HGS: variants seen among roughly 807,000 people sequenced by gnomAD.
HGS encodes human growth factor-regulated tyrosine kinase substrate.
In HGS, 63 loss-of-function variants were observed where a neutral mutation model predicts 109.7. The ratio of observed to expected loss-of-function variants is 0.57; its 90% CI spans 0.47 to 0.71. HGS has a LOEUF of 0.71. Ranked by LOEUF, HGS falls within the 30% of genes least tolerant of loss-of-function variation. The pLI is 0.00. For synonymous variants in HGS, 546 were observed against 437.3 expected, an observed-to-expected ratio of 1.25 and a Z score of -3.10; for missense variants, 995 against 1,068.3, an observed-to-expected ratio of 0.93 and a Z score of 0.96.
intron 1 of HGS, chr17:81,685,149 C>T: frequency 1.3e-6 from 1 of 799,442 alleles, no homozygotes; most frequent in South Asian, 5.7e-5. Context: ...GGCCTGGAGT[C>T]TACACTGCAG....
Position 81,693,737 on chromosome 17 carries a change from G to C in HGS, c.825G>C (p.Glu275Asp), listed in dbSNP as rs895139072. The C allele has an allele frequency of 2.6e-6, 4 of 1,555,036 alleles. No homozygotes were observed. The highest frequency in any genetic ancestry group is 3.5e-6 in the Non-Finnish European group (4 of 1,151,130). ...TGGCGCTGTCACAGTCAGAGGCGGA[G>C]GAGAAGGAGAGGCTGGTAAGCCGGG... ...LALALSQSEA[E>D]EKERLRQKST... Residue 275 changes from glutamate (E) to aspartate (D), a missense_variant, in exon 10 of 22, where the codon GAG becomes GAC. Glu to Asp is a conservative substitution (Grantham distance 45, BLOSUM62 2). This residue lies in a region of HGS where 300 missense variants were observed against 235.4 expected (regional missense o/e 1.27). Coordinates refer to ENST00000329138, the MANE Select transcript of HGS (RefSeq NM_004712.5).
chr17:81,690,557 C>A, intron 6 of HGS, 117 bp from the exon 7 acceptor site: 2 of 1,019,050 alleles, frequency 2.0e-6, no homozygotes, highest in Non-Finnish European at 2.8e-6. Flanking sequence ...GGGCATTGCT[C>A]TCGCTCGTGC....
At chr17:81,694,714 C>T (rs752602695) in intron 11 of HGS, 101 bp from the exon 12 acceptor site, 52 of 1,427,148 alleles carry the variant, frequency 3.6e-5, no homozygotes, top group Middle Eastern at 1.8e-4. Context: ...GCCCAGGCTG[C>T]GGCTCTGGTC....
In HGS at chr17:81,688,821, G is replaced by C. The variant is rs1296486812; in HGVS notation, c.409G>C (p.Val137Leu). ...VVQDTYQIMK[V>L]EGHVFPEFKE... ...CCAGGACACCTACCAGATCATGAAG[G>C]TGGAGGGTGAGTCAGGACTGAGGTT... Residue 137 changes from valine to leucine, a missense_variant, in exon 5 of 22, where the codon GTG becomes CTG. Physicochemically the swap from Val to Leu is conservative, Grantham distance 32. Transcript: ENST00000329138. 4 of 1,614,182 alleles carry C rather than the reference G, an allele frequency of 2.5e-6. No individual in the cohort carries two copies. The highest frequency in any genetic ancestry group is 3.4e-6 in the Non-Finnish European group (4 of 1,180,020).
rs182706220 is a variant in HGS at position 81,696,931 on chromosome 17, C to G, written c.1815C>G (p.His605Gln). ...GCTCGGTGGAGGGCTCCCCAATGCA[C>G]GGCGTGTACATGAGCCAGCCGGCCC... is the stretch of plus-strand genomic sequence containing the variant. ...PAGSVEGSPMHGVYMSQPAPA... is the reference protein window; with the variant it reads ...PAGSVEGSPMQGVYMSQPAPA... The change falls in exon 18 of 22, where the codon CAC (histidine) becomes CAG (glutamine). Residue 605 changes from histidine (H) to glutamine (Q), a missense_variant. His to Gln is a conservative substitution (Grantham distance 24). Transcript: ENST00000329138. 2 of 1,607,180 alleles carry G rather than the reference C, an allele frequency of 1.2e-6. No individual in the cohort carries two copies. The highest frequency in any genetic ancestry group is 2.7e-5 in the African/African-American group (2 of 74,926).
In HGS at chr17:81,696,634, G is replaced by A. The variant is rs1462336828; in HGVS notation, c.1594G>A (p.Ala532Thr). The A allele has an allele frequency of 6.2e-7, 1 of 1,610,508 alleles. No individual in the cohort carries two copies. The highest frequency in any genetic ancestry group is 8.5e-7 in the Non-Finnish European group (1 of 1,178,788). ...GTACCTGGAGGTGCAGAGGCAGCTG[G>A]CCATCCAGCGCCTGCAGGAGCAGGA... ...QEYLEVQRQLAIQRLQEQEKE... is the reference protein window; with the variant it reads ...QEYLEVQRQLTIQRLQEQEKE... The change falls in exon 17 of 22, where the codon GCC becomes ACC. Residue 532 changes from alanine (A) to threonine (T), a missense_variant. Around this residue, in one of 6 missense-constraint regions of HGS, gnomAD observed 163 missense variants for 217.8 expected, o/e 0.75. Transcript: ENST00000329138.
chr17:81,690,614 C>G (rs1041943850), intron 6 of HGS, 60 bp from the exon 7 acceptor site: 1 of 1,532,152 alleles, frequency 6.5e-7, no homozygotes, highest in African/African-American at 1.4e-5. Context: ...AGGGGAGGCT[C>G]TGTGCCTCTG....
At chr17:81,688,568 C>G (rs1206722652) in intron 4 of HGS, 136 bp from the exon 5 acceptor site, 1 of 1,079,654 alleles carries the variant, frequency 9.3e-7, no homozygotes, top group Non-Finnish European at 1.3e-6. Context: ...CCCCACGCCC[C>G]ACTCGGGGGG....
At chr17:81,694,033 C>T (rs554177145) in intron 11 of HGS, 68 bp downstream of exon 11, 5 of 1,387,200 alleles carry the variant, frequency 3.6e-6, no homozygotes, top group Non-Finnish European at 4.9e-6. Context: ...ACGCGGGTCC[C>T]TGAGCTGATT....
At position 81,691,210 on chromosome 17, in the gene HGS, C is replaced by T. The variant is rs545450710; in HGVS notation, c.538-237C>T. 3 of 543,188 alleles carry T rather than the reference C, an allele frequency of 5.5e-6. No individual in the cohort carries two copies. Among genetic ancestry groups the T allele is most frequent in the African/African-American group, 3.8e-5 (2 of 52,776 alleles). 33.6% of individuals were successfully genotyped at this position (543,188 alleles called of 1,614,324 possible). ...CAGCAGAATTGATGTGTATTTTTTC[C>T]TTGCCCTTACTTTTAACTTACCTTA... is the stretch of plus-strand genomic sequence containing the variant. On this transcript the variant is annotated intron_variant, in intron 7 of 21. Coordinates refer to ENST00000329138, the MANE Select transcript of HGS (RefSeq NM_004712.5). The surrounding 1 kb of genome is among the most constrained non-coding windows in gnomAD (Gnocchi z 5.3).
chr17:81,701,312 C>T (rs1034309360), intron 21 of HGS, 181 bp downstream of exon 21: 18 of 792,352 alleles, frequency 2.3e-5, no homozygotes, highest in Non-Finnish European at 3.0e-5. Flanking sequence ...GGCAGATACG[C>T]GCATCCGCAA....
rs569643994 is a variant in HGS, at chr17:81,688,407, C to T, written c.292-297C>T. 2.6e-4 allele frequency among the ~76,000 whole-genome samples: 39 copies of T among 152,264 alleles called. 2 individuals carry two copies. The East Asian group carries it at 3.9e-3, about 15-fold the overall frequency. ...CCGGGTCCTGCCTGTTGGAGGCTGACGGGAACCGGGGATCCTGGGGTGGGC... is the reference window on the plus strand; with the variant it reads ...CCGGGTCCTGCCTGTTGGAGGCTGATGGGAACCGGGGATCCTGGGGTGGGC... On this transcript the variant is annotated intron_variant, in intron 4 of 21. Coordinates refer to ENST00000329138, the MANE Select transcript of HGS (RefSeq NM_004712.5).
intron 4 of HGS, among the ~76,000 whole-genome samples, chr17:81,687,557 G>T (rs759180408): frequency 1.3e-5 from 2 of 152,322 alleles, no homozygotes; most frequent in South Asian, 2.1e-4. Flanking sequence ...TGTGTCTGGC[G>T]GGGATAAGAG....
At chr17:81,684,233 T>C (rs2036932426) in intron 1 of HGS, 130 bp downstream of exon 1, 1 of 867,838 alleles carries the variant, frequency 1.2e-6, no homozygotes, top group South Asian at 3.3e-5. Context: ...CGGCCCGCTG[T>C]CCTCCCGGGT....
In HGS at chr17:81,685,605, A is replaced by G. The variant is rs1332691684; in HGVS notation, c.38A>G (p.Asp13Gly). The G allele has an allele frequency of 6.2e-7, 1 of 1,608,298 alleles. No individual in the cohort carries two copies. Among genetic ancestry groups the G allele is most frequent in the Non-Finnish European group, 8.5e-7 (1 of 1,177,292 alleles). Residue 13 changes from aspartate to glycine, a missense_variant and splice_region_variant, in exon 2 of 22, where the codon GAC (aspartate) becomes GGC (glycine). Around this residue, in one of 6 missense-constraint regions of HGS, gnomAD observed 23 missense variants for 25.4 expected, o/e 0.91. Coordinates refer to ENST00000329138, the MANE Select transcript of HGS (RefSeq NM_004712.5). ...RGSGTFERLLDKATSQLLLET... is the reference protein window; with the variant it reads ...RGSGTFERLLGKATSQLLLET... ...CCTTTCATGGCATTTTCTCTCTCAG[A>G]CAAGGCGACCAGCCAGCTCCTGTTG...
rs1458770269 is a variant in HGS at position 81,697,291 on chromosome 17, C to T, written c.1882+293C>T. The stretch of plus-strand genomic sequence containing the variant: ...ATCCTCGTCTGTAGCAGGCTCAGCC[C>T]TCATGGACTGTCCCAGTGGTGTCCT... On this transcript the variant is annotated intron_variant, in intron 18 of 21. Transcript: ENST00000329138. 33 of 346,828 alleles carry T rather than the reference C, an allele frequency of 9.5e-5. No individual in the cohort carries two copies. The South Asian group carries it at 1.7e-3, about 18-fold the overall frequency. The allele number at this position is 346,828 out of a possible 1,614,324, so 21.5% of individuals were successfully genotyped here.
At chr17:81,689,352 G>A (rs1189456249) in intron 5 of HGS, among the ~76,000 whole-genome samples, 1 of 152,246 alleles carries the variant, frequency 6.6e-6, no homozygotes, top group African/African-American at 2.4e-5. Context: ...AGCGCAGCAG[G>A]AGGCCTCTGG....
chr17:81,691,893 CAG>C lies in HGS; in HGVS notation c.662+326_662+327del. ...TTACAGAAAAGTTGCAAGAGTAGCA[CAG>C]AGAAGCTGCGGGGCCGCGGCCAGTG... On this transcript the variant is annotated intron_variant, in intron 8 of 21. Coordinates refer to ENST00000329138, the MANE Select transcript of HGS (RefSeq NM_004712.5). This position sits in a 1 kb window ranked among gnomAD's most constrained non-coding sequence, Gnocchi z 5.3. The C allele has an allele frequency of 4.0e-6, 1 of 247,610 alleles. No individual in the cohort carries two copies. The highest frequency in any genetic ancestry group is 8.0e-6 in the Non-Finnish European group (1 of 125,082). 15.3% of individuals were successfully genotyped at this position (247,610 alleles called of 1,614,324 possible). A position where few individuals can be genotyped will look rare whatever the true frequency, so the allele number is the denominator to read the frequency against.
intron 6 of HGS, 24 bp downstream of exon 6, chr17:81,690,258 G>T (rs2037042817): frequency 3.7e-6 from 6 of 1,612,854 alleles, no homozygotes; most frequent in Non-Finnish European, 5.1e-6. Flanking sequence ...GCCGCCAGGG[G>T]TTCTGGAGTC....
Sources: allele counts gnomAD v4.1 joint callset (sites outside exome capture counted in the v4.1 genomes callset), GRCh38; gene constraint gnomAD v4.1.1; regional missense constraint gnomAD v4.1.1; non-coding constraint Gnocchi (gnomAD v3.1); transcripts MANE v1.5; gene names NCBI Gene and HGNC (gene_info 2026-07-23, HGNC 2026-07-21).